The following EMP2 variants were observed in gnomAD, a reference collection of about 807,000 sequenced individuals.
EMP2 encodes the protein epithelial membrane protein 2.
A neutral mutation model predicts 13.7 loss-of-function variants in EMP2; 19 were observed. The ratio of observed to expected loss-of-function variants is 1.38; its 90% CI spans 0.97 to 2.03. The LOEUF (loss-of-function observed/expected upper bound fraction) is 2.03. EMP2 is among the 30% of genes most tolerant of loss of function. EMP2 has a pLI of 0.00. For synonymous variants in EMP2, 97 were observed against 84.7 expected (o/e 1.15, Z -0.80); for missense variants, 253 against 220.7 (o/e 1.15, Z -0.93).
chr16:10,568,743 G>C (rs1044425899), intron 1 of EMP2, among the ~76,000 whole-genome samples: 3 of 147,864 alleles, frequency 2.0e-5, no homozygotes, highest in African/African-American at 7.5e-5. Flanking sequence ...TTACCTAGAA[G>C]CAAAGGGAGG....
rs2050601147 is a variant in EMP2, at chr16:10,531,394, A to C, written c.*1511T>G. On this transcript the variant is annotated 3_prime_UTR_variant, in exon 5 of 5. Transcript: ENST00000359543. ...GTCACCCAGGCTGGAGTGCAGTGGC[A>C]CGGTCTCGGCTCACTGCAACCTCCA... 6.6e-6 allele frequency: 1 copy of C among 151,556 alleles called. No individual in the cohort carries two copies. The highest frequency in any genetic ancestry group is 1.5e-5 in the Non-Finnish European group (1 of 68,426). The allele number at this position is 151,556 out of a possible 1,614,324, so 9.4% of individuals were successfully genotyped here.
chr16:10,534,724 C>A (rs934285594), intron 4 of EMP2, among the ~76,000 whole-genome samples: 4 of 152,208 alleles, frequency 2.6e-5, no homozygotes, highest in African/African-American at 9.7e-5. Context: ...CAAGGTCGCA[C>A]CCCTGCACTC....
At chr16:10,550,203 A>T (rs942894420) in intron 1 of EMP2, among the ~76,000 whole-genome samples, 1 of 151,674 alleles carries the variant, frequency 6.6e-6, no homozygotes, top group Non-Finnish European at 1.5e-5. Flanking sequence ...TTCTTACATA[A>T]CCACACTATG....
intron 4 of EMP2, 25 bp downstream of exon 4, chr16:10,537,903 T>C (rs1358373383): frequency 1.2e-6 from 2 of 1,608,274 alleles, no homozygotes; most frequent in Non-Finnish European, 8.5e-7. Flanking sequence ...AGCCCCTTGT[T>C]AGGGAAGCCC....
chr16:10,560,557 G>C (rs2050863817), intron 1 of EMP2, among the ~76,000 whole-genome samples: 1 of 152,212 alleles, frequency 6.6e-6, no homozygotes, highest in Non-Finnish European at 1.5e-5. Context: ...CATTTATTGA[G>C]CACCTGCTAT....
rs2050605833 is a variant in EMP2 at position 10,531,890 on chromosome 16, T to G, written c.*1015A>C. ...AAGGGAGAGGCCTTCTGGGATAAGA[T>G]GGGAAGGAGGCTGTACCCCACACCC... On this transcript the variant is annotated 3_prime_UTR_variant, in exon 5 of 5. Transcript: ENST00000359543. 1 of 154,662 alleles carries G rather than the reference T, an allele frequency of 6.5e-6. No individual in the cohort carries two copies. The highest frequency in any genetic ancestry group is 2.4e-5 in the African/African-American group (1 of 41,392). The allele number at this position is 154,662 out of a possible 1,614,324, so 9.6% of individuals were successfully genotyped here. A position where few individuals can be genotyped will look rare whatever the true frequency, so the allele number is the denominator to read the frequency against.
chr16:10,551,509 C>T (rs1027657585), intron 1 of EMP2, among the ~76,000 whole-genome samples: 8 of 152,126 alleles, frequency 5.3e-5, no homozygotes, highest in Non-Finnish European at 8.8e-5. Context: ...CGGGTTCAAG[C>T]GATTCTCCTG....
Position 10,528,572 on chromosome 16 carries a change from G to C in EMP2, c.*4333C>G, listed in dbSNP as rs899059966. On this transcript the variant is annotated 3_prime_UTR_variant, in exon 5 of 5. Transcript: ENST00000359543. ...TTGGGAACATTAGAGTCTTGCTCTG[G>C]GCAATCTGGTTTTAAACTTTATTTT... The C allele has an allele frequency of 6.6e-6, 1 of 152,142 alleles. No homozygotes were observed. Among genetic ancestry groups the C allele is most frequent in the Non-Finnish European group, 1.5e-5 (1 of 68,028 alleles). The allele number at this position is 152,142 out of a possible 1,614,324, so 9.4% of individuals were successfully genotyped here.
At chr16:10,542,605 A>G (rs900493323) in intron 3 of EMP2, among the ~76,000 whole-genome samples, 1 of 152,216 alleles carries the variant, frequency 6.6e-6, no homozygotes, top group African/African-American at 2.4e-5. Flanking sequence ...ATCCCAAAGT[A>G]TCTATTTCAT....
intron 1 of EMP2, among the ~76,000 whole-genome samples, chr16:10,555,244 C>T (rs1167358827): frequency 2.0e-5 from 3 of 152,212 alleles, no homozygotes; most frequent in Admixed American, 2.0e-4. Context: ...TTTCAGGAGT[C>T]AGTGATGTTC....
chr16:10,540,837 G>C (rs935446441), intron 3 of EMP2, among the ~76,000 whole-genome samples: 1 of 152,164 alleles, frequency 6.6e-6, no homozygotes, highest in Admixed American at 6.6e-5. Context: ...CTTATGGTTT[G>C]GGAGGCCACA....
chr16:10,562,272 A>C (rs2050876405), intron 1 of EMP2, among the ~76,000 whole-genome samples: 1 of 151,762 alleles, frequency 6.6e-6, no homozygotes, highest in South Asian at 2.1e-4. Context: ...TTTATCAATA[A>C]AAGGTGGCAG....
intron 1 of EMP2, among the ~76,000 whole-genome samples, chr16:10,558,644 C>T (rs1163169196): frequency 6.6e-6 from 1 of 152,124 alleles, no homozygotes; most frequent in Admixed American, 6.5e-5. Context: ...AAATAAAAGT[C>T]TGTGGGATCT....
At chr16:10,555,138 A>G (rs568742238) in intron 1 of EMP2, among the ~76,000 whole-genome samples, 22 of 152,274 alleles carry the variant, frequency 1.4e-4, no homozygotes, top group African/African-American at 5.1e-4. Context: ...TCTCACAGCA[A>G]AGCAGGAACA....
At chr16:10,569,311 T>A (rs2050931048) in intron 1 of EMP2, among the ~76,000 whole-genome samples, 1 of 152,198 alleles carries the variant, frequency 6.6e-6, no homozygotes, top group Non-Finnish European at 1.5e-5. Context: ...TTAAATTGAT[T>A]CATTTTTAAA....
At chr16:10,538,543 C>T (rs1224924554) in intron 3 of EMP2, among the ~76,000 whole-genome samples, 1 of 152,142 alleles carries the variant, frequency 6.6e-6, no homozygotes, top group Non-Finnish European at 1.5e-5. Flanking sequence ...CCACACTAGC[C>T]TGTAGGTATC....
chr16:10,557,880 A>G (rs1261940213), intron 1 of EMP2, among the ~76,000 whole-genome samples: 1 of 152,172 alleles, frequency 6.6e-6, no homozygotes, highest in Admixed American at 6.5e-5. Flanking sequence ...TCAAGCAGCA[A>G]CAAGAAACCT....
chr16:10,549,545 T>C (rs2050766837), intron 1 of EMP2, among the ~76,000 whole-genome samples: 1 of 152,206 alleles, frequency 6.6e-6, no homozygotes, highest in African/African-American at 2.4e-5. Context: ...CCTCCTAATA[T>C]CAACACTTGG....
intron 1 of EMP2, among the ~76,000 whole-genome samples, chr16:10,562,366 CTCTCTCTCTCTCTCTATCTA>C (rs979711299): frequency 7.3e-5 from 11 of 150,662 alleles, no homozygotes; most frequent in African/African-American, 2.7e-4. Context: ...CTCTCTCTCT[CTCTCTCTCTCTCTCTATCTA>C]TCTCTCTCTC....
Sources: allele counts gnomAD v4.1 joint callset (sites outside exome capture counted in the v4.1 genomes callset), GRCh38; gene constraint gnomAD v4.1.1; transcripts MANE v1.5; gene names NCBI Gene and HGNC (gene_info 2026-07-23, HGNC 2026-07-21).